ZNF385D: variants seen among roughly 807,000 people sequenced by gnomAD.
ZNF385D encodes zinc finger protein 659.
A neutral mutation model predicts 35.8 loss-of-function variants in ZNF385D; 15 were observed. The observed-to-expected ratio is 0.42, with a 90% CI of 0.28 to 0.64. The LOEUF (loss-of-function observed/expected upper bound fraction) is 0.64, where lower values mean the gene tolerates loss of function less well. Among genes scored for constraint, ZNF385D ranks in the 30% least tolerant of loss-of-function variants. The pLI, the probability that ZNF385D is intolerant of heterozygous loss-of-function variation, is 0.23. For synonymous variants in ZNF385D, 212 were observed against 186.8 expected, an observed-to-expected ratio of 1.13 and a Z score of -1.10; for missense variants, 474 against 494.6, an observed-to-expected ratio of 0.96 and a Z score of 0.39.
chr3:22,077,540 A>G (rs1559350996), intron 3 of ZNF385D, among the ~76,000 whole-genome samples: 1 of 151,972 alleles, frequency 6.6e-6, no homozygotes, highest in Non-Finnish European at 1.5e-5. Flanking sequence ...GTCTTAGCAA[A>G]GGCCCACTAA....
intron 2 of ZNF385D, among the ~76,000 whole-genome samples, chr3:22,360,142 T>C (rs1696348928): frequency 6.6e-6 from 1 of 152,022 alleles, no homozygotes; most frequent in Non-Finnish European, 1.5e-5. Flanking sequence ...GTTTAATTCT[T>C]ACAACTTGTC....
At chr3:22,314,499 A>C (rs1487357939) in intron 2 of ZNF385D, among the ~76,000 whole-genome samples, 3 of 151,854 alleles carry the variant, frequency 2.0e-5, no homozygotes, top group African/African-American at 7.3e-5. Context: ...TATTTATGCC[A>C]CAGTTTATTT....
At chr3:21,731,603 T>C (rs146144585) in intron 1 of ZNF385D, among the ~76,000 whole-genome samples, 7 of 152,344 alleles carry the variant, frequency 4.6e-5, no homozygotes, top group African/African-American at 1.7e-4. Context: ...ATATCCCTCA[T>C]TACAGTAACA....
rs1275011636 is a variant in ZNF385D at position 21,417,704 on chromosome 3, GCTGT to G, written c.*3506_*3509del. 3 of 151,984 alleles carry G rather than the reference GCTGT, an allele frequency of 2.0e-5. No individual in the cohort carries two copies. The allele number at this position is 151,984 out of a possible 1,614,324, so 9.4% of individuals were successfully genotyped here. ...TCTTTGATTCTATTTTGAAACTTCT[GCTGT>G]CTTTTAATTCTTAGTCTTTTATGAT... On this transcript the variant is annotated 3_prime_UTR_variant, in exon 8 of 8. Coordinates refer to ENST00000281523, the MANE Select transcript of ZNF385D (RefSeq NM_024697.3).
chr3:22,134,263 A>G (rs1027699363), intron 3 of ZNF385D: 7 of 152,160 alleles, frequency 4.6e-5, no homozygotes, highest in Non-Finnish European at 8.8e-5. Context: ...GGAGTGTTAT[A>G]TTAATATTAA....
intron 3 of ZNF385D, among the ~76,000 whole-genome samples, chr3:21,999,161 G>C (rs1031842605): frequency 6.6e-6 from 1 of 152,060 alleles, no homozygotes; most frequent in Non-Finnish European, 1.5e-5. Context: ...TTTCCTCTGA[G>C]GTTCTGTTGT....
intron 2 of ZNF385D, among the ~76,000 whole-genome samples, chr3:22,197,650 C>T (rs533141484): frequency 6.6e-6 from 1 of 152,022 alleles, no homozygotes; most frequent in Non-Finnish European, 1.5e-5. Context: ...TGCTCCATAC[C>T]ATAAACTCCA....
At position 22,105,068 on chromosome 3, in the gene ZNF385D, AT is replaced by A. The variant is rs1191692090; in HGVS notation, c.325+63748del. On this transcript the variant is annotated intron_variant, in intron 3 of 5. Transcript: ENST00000494108. The stretch of plus-strand genomic sequence containing the variant: ...TGTTTGAATAATTTTAAAATGTAGT[AT>A]TTTTTATAAGGAGATTTAGGGGCCA... Among the ~76,000 whole-genome samples the A allele has an allele frequency of 4.6e-5, 7 of 152,136 alleles. No individual in the cohort carries two copies. In the East Asian group the frequency reaches 7.7e-4, roughly 17 times the overall value.
At chr3:22,062,003 A>C (rs186034918) in intron 3 of ZNF385D, among the ~76,000 whole-genome samples, 5 of 152,314 alleles carry the variant, frequency 3.3e-5, no homozygotes, top group African/African-American at 1.2e-4. Flanking sequence ...AGTAAATAAA[A>C]TAATTTTAAA....
At chr3:22,365,459 G>A (rs146769228) in intron 2 of ZNF385D, among the ~76,000 whole-genome samples, 122 of 152,104 alleles carry the variant, frequency 8.0e-4, no homozygotes, top group African/African-American at 2.8e-3. Flanking sequence ...ACATTATGTG[G>A]TCAGTCGACG....
At chr3:21,671,898 G>A (rs2066588389) in intron 1 of ZNF385D, among the ~76,000 whole-genome samples, 1 of 152,136 alleles carries the variant, frequency 6.6e-6, no homozygotes, top group Non-Finnish European at 1.5e-5. Context: ...GAAGAATCCA[G>A]AAAGATATGA....
intron 6 of ZNF385D, among the ~76,000 whole-genome samples, chr3:21,424,317 A>ATTTTT (rs1213225859): frequency 3.1e-5 from 2 of 63,812 alleles, no homozygotes; most frequent in East Asian, 6.3e-4. Flanking sequence ...ATATATATAT[A>ATTTTT]TTTTTTTTTT....
intron 2 of ZNF385D, among the ~76,000 whole-genome samples, chr3:22,180,315 T>C (rs1359139656): frequency 6.6e-6 from 1 of 152,116 alleles, no homozygotes. Flanking sequence ...ACCAAACATG[T>C]ACAGGACAAG....
chr3:22,172,149 C>T (rs1214167765), intron 2 of ZNF385D, among the ~76,000 whole-genome samples: 1 of 152,142 alleles, frequency 6.6e-6, no homozygotes, highest in Non-Finnish European at 1.5e-5. Context: ...ACCTTCACCC[C>T]TCAGAACCAT....
intron 3 of ZNF385D, among the ~76,000 whole-genome samples, chr3:21,797,167 G>A (rs1464474457): frequency 6.6e-6 from 1 of 152,004 alleles, no homozygotes; most frequent in Non-Finnish European, 1.5e-5. Context: ...TTTAAAAATG[G>A]GCCAAATACC....
At chr3:22,329,389 T>A (rs1001366599) in intron 2 of ZNF385D, among the ~76,000 whole-genome samples, 3 of 152,218 alleles carry the variant, frequency 2.0e-5, no homozygotes, top group South Asian at 4.1e-4. Flanking sequence ...TCAGTTCAAG[T>A]GTTGATATTT....
intron 3 of ZNF385D, among the ~76,000 whole-genome samples, chr3:22,165,934 A>G (rs1706286765): frequency 6.6e-6 from 1 of 152,186 alleles, no homozygotes; most frequent in Admixed American, 6.5e-5. Context: ...ACCAGATCAA[A>G]TATCTTTGAA....
intron 2 of ZNF385D, among the ~76,000 whole-genome samples, chr3:22,284,166 A>G (rs376284673): frequency 1.3e-5 from 2 of 148,182 alleles, no homozygotes; most frequent in African/African-American, 4.9e-5. Context: ...CATTATCAAT[A>G]AACACAGGAT....
At chr3:22,050,419 C>T (rs1699280192) in intron 3 of ZNF385D, among the ~76,000 whole-genome samples, 2 of 152,062 alleles carry the variant, frequency 1.3e-5, no homozygotes, top group Admixed American at 6.6e-5. Context: ...AACACACACA[C>T]ATAAATTTTA....
Sources: gnomAD v4.1 joint callset for allele counts (sites outside exome capture counted in the v4.1 genomes callset) on GRCh38, gnomAD v4.1.1 for gene constraint, MANE v1.5 for transcripts, NCBI Gene and HGNC (gene_info 2026-07-23, HGNC 2026-07-21) for gene names.